RPH3A: variants seen among roughly 807,000 people sequenced by gnomAD.
The protein encoded by RPH3A is rabphilin-3A.
In RPH3A, 48 loss-of-function variants were observed where a neutral mutation model predicts 102.2. The observed-to-expected ratio is 0.47, with a 90% CI of 0.37 to 0.60. The LOEUF (loss-of-function observed/expected upper bound fraction) is 0.60. Ranked by LOEUF, RPH3A falls within the 20% of genes least tolerant of loss-of-function variation. The pLI, the probability that RPH3A is intolerant of heterozygous loss-of-function variation, is 0.00. For missense variants in RPH3A, 781 were observed against 910.1 expected (o/e 0.86, Z 1.83); for synonymous variants, 310 against 324.3 (o/e 0.96, Z 0.47).
chr12:112,629,422 CTTGT>C (rs2039788179), intron 1 of RPH3A, among the ~76,000 whole-genome samples: 1 of 135,812 alleles, frequency 7.4e-6, no homozygotes, highest in South Asian at 2.3e-4. Context: ...CTACCTTTTG[CTTGT>C]TTAACTATAT....
chr12:112,814,170 A>G (rs2041631448), intron 2 of RPH3A, among the ~76,000 whole-genome samples: 1 of 151,824 alleles, frequency 6.6e-6, no homozygotes, highest in African/African-American at 2.4e-5. Flanking sequence ...TGAGAAGATA[A>G]GAAGAGCCCT....
chr12:112,752,119 T>C (rs1433871170), intron 1 of RPH3A, among the ~76,000 whole-genome samples: 1 of 152,192 alleles, frequency 6.6e-6, no homozygotes, highest in Admixed American at 6.5e-5. Flanking sequence ...AATTATACAA[T>C]AAGCACATAT....
intron 2 of RPH3A, among the ~76,000 whole-genome samples, chr12:112,819,443 C>A (rs892340364): frequency 6.6e-6 from 1 of 152,064 alleles, no homozygotes; most frequent in African/African-American, 2.4e-5. Flanking sequence ...TTTACAGATG[C>A]AAAACTTGCT....
intron 1 of RPH3A, among the ~76,000 whole-genome samples, chr12:112,719,565 A>G (rs1037894973): frequency 2.0e-5 from 3 of 152,194 alleles, no homozygotes; most frequent in African/African-American, 7.2e-5. Context: ...TGAACACTCC[A>G]TGAGGGCAGG....
intron 2 of RPH3A, among the ~76,000 whole-genome samples, chr12:112,795,249 C>T (rs1165926999): frequency 6.6e-6 from 1 of 152,214 alleles, no homozygotes; most frequent in Non-Finnish European, 1.5e-5. Flanking sequence ...CCTTCACCCT[C>T]ATTCAGTGGG....
At chr12:112,844,240 A>G (rs1180661996) in intron 4 of RPH3A, among the ~76,000 whole-genome samples, 2 of 152,182 alleles carry the variant, frequency 1.3e-5, no homozygotes, top group Non-Finnish European at 2.9e-5. Flanking sequence ...ACATTATGTT[A>G]TATAAGACTC....
intron 1 of RPH3A, among the ~76,000 whole-genome samples, chr12:112,729,640 A>G (rs1025082984): frequency 1.7e-4 from 26 of 152,246 alleles, no homozygotes; most frequent in Non-Finnish European, 3.2e-4. Flanking sequence ...TTGCTTTAAT[A>G]GAGTGGAGGA....
At chr12:112,835,733 G>A (rs188874447) in intron 3 of RPH3A, among the ~76,000 whole-genome samples, 262 of 152,234 alleles carry the variant, frequency 1.7e-3, no homozygotes, top group Non-Finnish European at 2.7e-3. Flanking sequence ...AGCTAGATAC[G>A]CTTCCTGCTT....
intron 2 of RPH3A, among the ~76,000 whole-genome samples, chr12:112,794,998 T>C (rs2041202485): frequency 6.6e-6 from 1 of 152,212 alleles, no homozygotes; most frequent in Non-Finnish European, 1.5e-5. Flanking sequence ...ATTCTGTGAT[T>C]CCACAGGGGT....
chr12:112,831,251 T>C (rs2041965912), intron 3 of RPH3A, among the ~76,000 whole-genome samples: 1 of 152,142 alleles, frequency 6.6e-6, no homozygotes, highest in African/African-American at 2.4e-5. Flanking sequence ...TCCTTGTCTT[T>C]TATTTTTATT....
upstream of RPH3A, among the ~76,000 whole-genome samples, chr12:112,790,349 C>G (rs1431034229): frequency 6.6e-6 from 1 of 152,128 alleles, no homozygotes; most frequent in African/African-American, 2.4e-5. Flanking sequence ...TGAGCCACCG[C>G]GCCTGGCAGA....
intron 2 of RPH3A, among the ~76,000 whole-genome samples, chr12:112,804,036 T>C (rs2041407849): frequency 6.6e-6 from 1 of 152,204 alleles, no homozygotes; most frequent in African/African-American, 2.4e-5. Flanking sequence ...AGGACTTGAA[T>C]TTTTTTAAAA....
intron 1 of RPH3A, among the ~76,000 whole-genome samples, chr12:112,634,826 C>CT (rs1480107319): frequency 3.3e-5 from 5 of 152,196 alleles, no homozygotes; most frequent in African/African-American, 1.2e-4. Context: ...TCGTGGAACT[C>CT]TAACACTTGC....
chr12:112,644,516 AC>A (rs1270894844), intron 1 of RPH3A, among the ~76,000 whole-genome samples: 1 of 152,170 alleles, frequency 6.6e-6, no homozygotes, highest in African/African-American at 2.4e-5. Flanking sequence ...GCCAAAAGAA[AC>A]ACCTCGGACA....
intron 1 of RPH3A, among the ~76,000 whole-genome samples, chr12:112,645,395 G>T (rs1458356020): frequency 6.6e-6 from 1 of 152,034 alleles, no homozygotes; most frequent in Non-Finnish European, 1.5e-5. Context: ...GATTTTCTGG[G>T]GTATAAATCA....
intron 1 of RPH3A, among the ~76,000 whole-genome samples, chr12:112,756,373 C>T (rs533356165): frequency 2.6e-5 from 4 of 152,268 alleles, no homozygotes; most frequent in African/African-American, 9.6e-5. Context: ...CCACCACGCC[C>T]AGCTAATTTT....
At chr12:112,647,711 T>G (rs565565562) in intron 1 of RPH3A, among the ~76,000 whole-genome samples, 1 of 152,106 alleles carries the variant, frequency 6.6e-6, no homozygotes, top group Admixed American at 6.5e-5. Context: ...CATGTGGATA[T>G]ACATAGGGGG....
intron 4 of RPH3A, among the ~76,000 whole-genome samples, chr12:112,836,792 C>T (rs924827872): frequency 3.3e-5 from 5 of 152,188 alleles, no homozygotes; most frequent in African/African-American, 1.2e-4. Context: ...TTATTGGCCA[C>T]TCAGTGCCCT....
intron 1 of RPH3A, among the ~76,000 whole-genome samples, chr12:112,639,210 C>A (rs576422279): frequency 3.3e-5 from 5 of 152,092 alleles, no homozygotes; most frequent in Admixed American, 6.6e-5. Flanking sequence ...ACCTCCTAAG[C>A]GGGACTGGGG....
Sources: allele counts gnomAD v4.1 joint callset (sites outside exome capture counted in the v4.1 genomes callset), GRCh38; gene constraint gnomAD v4.1.1; transcripts MANE v1.5; gene names NCBI Gene and HGNC (gene_info 2026-07-23, HGNC 2026-07-21).